RAB2A: variants seen among roughly 807,000 people sequenced by gnomAD.
The protein encoded by RAB2A is RAB2A, member RAS oncogene family.
Under a neutral mutation model 32.5 loss-of-function variants are expected in RAB2A, and 7 were observed. That is an observed-to-expected ratio of 0.22 (90% CI 0.12 to 0.40). The LOEUF is 0.40. Among genes scored for constraint, RAB2A ranks in the 10% least tolerant of loss-of-function variants. RAB2A has a pLI of 1.00. For missense variants in RAB2A, 108 were observed against 260.7 expected, an observed-to-expected ratio of 0.41 and a Z score of 4.03; for synonymous variants, 79 against 85.2, an observed-to-expected ratio of 0.93 and a Z score of 0.40.
At chr8:60,571,637 TATG>T (rs1008096549) in intron 2 of RAB2A, among the ~76,000 whole-genome samples, 2 of 152,350 alleles carry the variant, frequency 1.3e-5, no homozygotes, top group African/African-American at 4.8e-5. Context: ...GAACCAATAC[TATG>T]ATATTGAAAT....
chr8:60,530,238 TC>T, intron 1 of RAB2A, among the ~76,000 whole-genome samples: 1 of 150,230 alleles, frequency 6.7e-6, no homozygotes, highest in African/African-American at 2.4e-5. Context: ...AACCTCTGCC[TC>T]CTGGTTTCAA....
chr8:60,526,017 GTACATATATATA>G (rs1170569141), intron 1 of RAB2A, among the ~76,000 whole-genome samples: 4,898 of 74,216 alleles, frequency 0.066, 152 homozygotes, highest in Middle Eastern at 0.12. Context: ...ATGTGTGTGT[GTACATATATATA>G]TATATATATA....
At chr8:60,525,884 A>G (rs1807369846) in intron 1 of RAB2A, among the ~76,000 whole-genome samples, 1 of 150,016 alleles carries the variant, frequency 6.7e-6, no homozygotes, top group Admixed American at 6.6e-5. Context: ...GGGCACTTAT[A>G]TATATATATT....
At chr8:60,563,461 C>T (rs529542031) in intron 2 of RAB2A, among the ~76,000 whole-genome samples, 1 of 152,218 alleles carries the variant, frequency 6.6e-6, no homozygotes, top group South Asian at 2.1e-4. Flanking sequence ...CATATGGGCA[C>T]TGAAGGTTAA....
chr8:60,552,001 G>GTTTTTTTTGTTTTT (rs1554553377), intron 1 of RAB2A: 4 of 109,752 alleles, frequency 3.6e-5, no homozygotes, highest in Admixed American at 2.8e-4. Context: ...GTAGCTGGGA[G>GTTTTTTTTGTTTTT]TTTTTTTTTT....
At chr8:60,611,152 G>A (rs937931670) in intron 6 of RAB2A, among the ~76,000 whole-genome samples, 1 of 152,042 alleles carries the variant, frequency 6.6e-6, no homozygotes, top group African/African-American at 2.4e-5. Context: ...TTTCTTTCTT[G>A]GGTCATTGCT....
intron 4 of RAB2A, 53 bp from the exon 5 acceptor site, chr8:60,584,670 T>C: frequency 5.0e-6 from 7 of 1,410,834 alleles, no homozygotes; most frequent in Non-Finnish European, 7.0e-6. Flanking sequence ...TTGTTCGTTG[T>C]ATACTGAGGG....
At chr8:60,532,671 C>T (rs894763836) in intron 1 of RAB2A, among the ~76,000 whole-genome samples, 6 of 152,132 alleles carry the variant, frequency 3.9e-5, no homozygotes, top group African/African-American at 7.2e-5. Context: ...CCAGCACAGC[C>T]GGCTATTTTT....
intron 2 of RAB2A, among the ~76,000 whole-genome samples, chr8:60,565,676 A>ATTTTTTTTTTTTTTTTT (rs71252885): frequency 2.0e-5 from 2 of 97,672 alleles, no homozygotes; most frequent in Non-Finnish European, 2.1e-5. Flanking sequence ...TCTGTAGCTG[A>ATTTTTTTTTTTTTTTTT]TTTTTTTTTT....
intron 1 of RAB2A, among the ~76,000 whole-genome samples, chr8:60,522,993 A>G (rs1807324396): frequency 6.6e-6 from 1 of 152,156 alleles, no homozygotes; most frequent in Non-Finnish European, 1.5e-5. Context: ...ATTTGTTAGA[A>G]TTACCTTCAA....
At chr8:60,547,955 C>G (rs1300631435) in intron 1 of RAB2A, among the ~76,000 whole-genome samples, 4 of 66,494 alleles carry the variant, frequency 6.0e-5, no homozygotes, top group Non-Finnish European at 1.1e-4. Flanking sequence ...TAGGGGCGGC[C>G]GGGCAGAGGC....
intron 5 of RAB2A, among the ~76,000 whole-genome samples, chr8:60,587,465 A>T (rs149505082): frequency 6.6e-6 from 1 of 152,248 alleles, no homozygotes; most frequent in Admixed American, 6.5e-5. Context: ...CTTAAATGGG[A>T]CAGAGAAAAG....
intron 1 of RAB2A, among the ~76,000 whole-genome samples, chr8:60,545,285 G>A (rs954447695): frequency 6.6e-6 from 1 of 152,092 alleles, no homozygotes; most frequent in Non-Finnish European, 1.5e-5. Flanking sequence ...CTGGGATGGG[G>A]CTTCAGGAAT....
intron 2 of RAB2A, among the ~76,000 whole-genome samples, chr8:60,565,874 A>C (rs1032495682): frequency 6.6e-6 from 1 of 151,176 alleles, no homozygotes; most frequent in African/African-American, 2.4e-5. Context: ...CCACACCCGG[A>C]TAATTTTTTG....
chr8:60,524,952 A>G (rs1364958860), intron 1 of RAB2A, among the ~76,000 whole-genome samples: 2 of 152,246 alleles, frequency 1.3e-5, no homozygotes, highest in African/African-American at 2.4e-5. Flanking sequence ...TGTGGTCTGT[A>G]TAGCAGATTC....
intron 1 of RAB2A, among the ~76,000 whole-genome samples, chr8:60,542,738 GGTTA>G (rs970953626): frequency 2.0e-5 from 3 of 151,794 alleles, no homozygotes; most frequent in Non-Finnish European, 4.4e-5. Context: ...GAGGGTAGAG[GGTTA>G]GTTCTTCATA....
chr8:60,542,757 C>G (rs1456813685), intron 1 of RAB2A, among the ~76,000 whole-genome samples: 1 of 151,590 alleles, frequency 6.6e-6, no homozygotes, highest in Non-Finnish European at 1.5e-5. Context: ...TTCATATTGT[C>G]CATTTCTTTT....
At chr8:60,575,233 G>A (rs981507564) in intron 3 of RAB2A, among the ~76,000 whole-genome samples, 5 of 151,542 alleles carry the variant, frequency 3.3e-5, no homozygotes, top group Non-Finnish European at 7.4e-5. Context: ...TGAGTAGCTG[G>A]GACTACACAT....
chr8:60,614,111 C>T (rs1316383556), intron 6 of RAB2A, among the ~76,000 whole-genome samples: 2 of 151,760 alleles, frequency 1.3e-5, no homozygotes, highest in East Asian at 1.9e-4. Flanking sequence ...TTAAAAACTG[C>T]CCAACCATAA....
Sources: gnomAD v4.1 joint callset for allele counts (sites outside exome capture counted in the v4.1 genomes callset) on GRCh38, gnomAD v4.1.1 for gene constraint, MANE v1.5 for transcripts, NCBI Gene and HGNC (gene_info 2026-07-23, HGNC 2026-07-21) for gene names.